NRG3: variants seen among roughly 807,000 people sequenced by gnomAD.
NRG3 encodes the protein neuregulin 3, also known as pro-neuregulin-3, membrane-bound isoform.
NRG3 carries 31 observed loss-of-function variants against 66.9 expected under a neutral mutation model. The ratio of observed to expected loss-of-function variants is 0.46; its 90% CI spans 0.35 to 0.63. The LOEUF is 0.63. Ranked by LOEUF, NRG3 falls within the 20% of genes least tolerant of loss-of-function variation. The pLI is 0.00. For synonymous variants in NRG3, 393 were observed against 359.4 expected (o/e 1.09, Z -1.06); for missense variants, 910 against 878.9 (o/e 1.04, Z -0.45).
chr10:82,576,474 G>T (rs2046041721), intron 2 of NRG3, among the ~76,000 whole-genome samples: 1 of 151,622 alleles, frequency 6.6e-6, no homozygotes, highest in African/African-American at 2.4e-5. Context: ...ATTTAATTAG[G>T]TTGTGTTTAG....
At chr10:82,305,140 G>C (rs183631475) in intron 1 of NRG3, among the ~76,000 whole-genome samples, 1 of 151,250 alleles carries the variant, frequency 6.6e-6, no homozygotes, top group Non-Finnish European at 1.5e-5. Context: ...GACTACAGGC[G>C]CCCACCACCA....
chr10:82,486,931 C>T (rs1412955653), intron 2 of NRG3, among the ~76,000 whole-genome samples: 2 of 151,942 alleles, frequency 1.3e-5, no homozygotes, highest in African/African-American at 4.8e-5. Flanking sequence ...AAGGGCTGAT[C>T]AGAGTATAGA....
intron 1 of NRG3, among the ~76,000 whole-genome samples, chr10:81,976,259 A>G (rs2060121857): frequency 6.6e-6 from 1 of 152,038 alleles, no homozygotes. Context: ...AGAGAGAGAA[A>G]GCCCTTTGGT....
intron 1 of NRG3, among the ~76,000 whole-genome samples, chr10:81,977,918 G>A (rs777818444): frequency 1.3e-5 from 2 of 151,996 alleles, no homozygotes; most frequent in African/African-American, 2.4e-5. Flanking sequence ...CCTAATAATT[G>A]TACATTTTGT....
At chr10:82,982,257 T>C (rs1853002159) in intron 8 of NRG3, among the ~76,000 whole-genome samples, 1 of 152,218 alleles carries the variant, frequency 6.6e-6, no homozygotes, top group Admixed American at 6.5e-5. Context: ...ACAAATTCCT[T>C]AGCCTGACTC....
At chr10:82,398,141 C>T (rs185434955) in intron 2 of NRG3, among the ~76,000 whole-genome samples, 1 of 152,114 alleles carries the variant, frequency 6.6e-6, no homozygotes. Flanking sequence ...GCTGGAGTGG[C>T]CCTTGGATCT....
At chr10:82,894,910 G>A (rs1029596326) in intron 4 of NRG3, among the ~76,000 whole-genome samples, 5 of 152,038 alleles carry the variant, frequency 3.3e-5, no homozygotes, top group South Asian at 2.1e-4. Flanking sequence ...CCCACTGCCC[G>A]ACAGGCCCTG....
At chr10:82,548,707 C>T (rs2044102336) in intron 2 of NRG3, among the ~76,000 whole-genome samples, 2 of 151,854 alleles carry the variant, frequency 1.3e-5, no homozygotes, top group Admixed American at 6.6e-5. Flanking sequence ...AGACAGCGTA[C>T]AGTTCAGGCA....
At chr10:82,399,674 T>G (rs989445087) in intron 2 of NRG3, among the ~76,000 whole-genome samples, 2 of 152,104 alleles carry the variant, frequency 1.3e-5, no homozygotes, top group Non-Finnish European at 2.9e-5. Context: ...TCATAGGGGG[T>G]TTACCCACAA....
intron 1 of NRG3, among the ~76,000 whole-genome samples, chr10:82,270,107 C>T (rs937989521): frequency 4.6e-5 from 7 of 152,154 alleles, no homozygotes; most frequent in East Asian, 3.9e-4. Context: ...AATTGCACAG[C>T]GTTTACTCTC....
intron 1 of NRG3, among the ~76,000 whole-genome samples, chr10:82,102,133 C>CATATAT (rs369498870): frequency 0.013 from 340 of 26,180 alleles, 8 homozygotes; most frequent in African/African-American, 0.038. Flanking sequence ...TATGTGTATT[C>CATATAT]ATATATATAT....
intron 1 of NRG3, among the ~76,000 whole-genome samples, chr10:81,961,989 A>G (rs2133283508): frequency 6.6e-6 from 1 of 152,330 alleles, no homozygotes; most frequent in South Asian, 2.1e-4. Flanking sequence ...CTATGTTAGG[A>G]ATACAAATTC....
At chr10:82,462,817 A>G (rs1033443850) in intron 2 of NRG3, among the ~76,000 whole-genome samples, 3 of 152,182 alleles carry the variant, frequency 2.0e-5, no homozygotes. Context: ...ATATGACTAT[A>G]CAAGTCTAAA....
intron 1 of NRG3, among the ~76,000 whole-genome samples, chr10:82,301,189 A>G (rs1251238211): frequency 6.6e-6 from 1 of 152,228 alleles, no homozygotes; most frequent in Non-Finnish European, 1.5e-5. Flanking sequence ...CAGTAAAAAG[A>G]CTGCAGAACA....
intron 1 of NRG3, among the ~76,000 whole-genome samples, chr10:82,032,927 T>C (rs894414619): frequency 2.6e-5 from 4 of 152,110 alleles, no homozygotes; most frequent in African/African-American, 9.7e-5. Context: ...ATTCCAAAAG[T>C]AAATGTTAAA....
At chr10:82,460,171 A>C (rs921374682) in intron 2 of NRG3, among the ~76,000 whole-genome samples, 3 of 152,192 alleles carry the variant, frequency 2.0e-5, no homozygotes, top group African/African-American at 7.2e-5. Flanking sequence ...AATAATAGCC[A>C]TACTGACATC....
intron 5 of NRG3, among the ~76,000 whole-genome samples, chr10:82,957,995 GCTAAGGCAGTGGTTTGT>G (rs1477097221): frequency 6.6e-6 from 1 of 152,048 alleles, no homozygotes; most frequent in Non-Finnish European, 1.5e-5. Flanking sequence ...CAGAGCTGCT[GCTAAGGCAGTGGTTTGT>G]CCCATCCTTC....
At chr10:82,153,293 T>C (rs2070918324) in intron 1 of NRG3, among the ~76,000 whole-genome samples, 1 of 152,086 alleles carries the variant, frequency 6.6e-6, no homozygotes, top group South Asian at 2.1e-4. Context: ...GTAAGTGAAA[T>C]CATACAGTAT....
At chr10:82,709,774 T>C (rs1309861012) in intron 2 of NRG3, among the ~76,000 whole-genome samples, 1 of 152,224 alleles carries the variant, frequency 6.6e-6, no homozygotes, top group East Asian at 1.9e-4. Context: ...TTCAGCCCTC[T>C]GTTTCTTGCA....
Sources: gnomAD v4.1 joint callset for allele counts (sites outside exome capture counted in the v4.1 genomes callset) on GRCh38, gnomAD v4.1.1 for gene constraint, MANE v1.5 for transcripts, NCBI Gene and HGNC (gene_info 2026-07-23, HGNC 2026-07-21) for gene names.